Variants in MYO1B observed in about 807,000 individuals in gnomAD.
The protein encoded by MYO1B is myosin IB.
A neutral mutation model predicts 159.7 loss-of-function variants in MYO1B; 72 were observed. That is an observed-to-expected ratio of 0.45 (90% CI 0.37 to 0.55). The LOEUF is 0.55. Ranked by LOEUF, MYO1B falls within the 20% of genes least tolerant of loss-of-function variation. MYO1B has a pLI of 0.00. For missense variants in MYO1B, 1,062 were observed against 1,364.8 expected, an observed-to-expected ratio of 0.78 and a Z score of 3.50; for synonymous variants, 468 against 473.8, an observed-to-expected ratio of 0.99 and a Z score of 0.16.
At chr2:191,307,935 C>T (rs1278096629) in intron 3 of MYO1B, among the ~76,000 whole-genome samples, 1 of 152,164 alleles carries the variant, frequency 6.6e-6, no homozygotes, top group East Asian at 1.9e-4. Flanking sequence ...ACCTTCCCAG[C>T]ATGTCAGTCT....
chr2:191,313,192 C>CTTTTTTTTTTTTTTTTTTT lies in MYO1B; in HGVS notation c.252-16726_252-16708dup, dbSNP rs762175060. On this transcript the variant is annotated intron_variant, in intron 3 of 30. Transcript: ENST00000392318. Reference sequence around the variant, plus strand: ...TAGTTATAATATCTGGCACACATGGCTTTTTTTTTTTTTTTTTTTTTTTTT... The same window carrying CTTTTTTTTTTTTTTTTTTT: ...TAGTTATAATATCTGGCACACATGGCTTTTTTTTTTTTTTTTTTTTTTTTTTTTTTTTTTTTTTTTTTTT... Among the ~76,000 whole-genome samples the CTTTTTTTTTTTTTTTTTTT allele has an allele frequency of 4.7e-5, 2 of 43,010 alleles. 1 individual carries two copies. Among genetic ancestry groups the CTTTTTTTTTTTTTTTTTTT allele is most frequent in the Non-Finnish European group, 7.5e-5 (2 of 26,756 alleles). The allele number at this position is 43,010 out of a possible 152,430, so 28.2% of individuals were successfully genotyped here.
chr2:191,250,174 A>G (rs1686026741), intron 1 of MYO1B, among the ~76,000 whole-genome samples: 1 of 152,212 alleles, frequency 6.6e-6, no homozygotes, highest in Admixed American at 6.5e-5. Flanking sequence ...GAAAATGGCT[A>G]TGACAGCTGT....
intron 3 of MYO1B, among the ~76,000 whole-genome samples, chr2:191,323,863 A>C (rs1393610428): frequency 6.6e-6 from 1 of 152,134 alleles, no homozygotes; most frequent in Admixed American, 6.6e-5. Context: ...TATGTTTAGG[A>C]TATAAGAATG....
At chr2:191,301,702 A>G (rs1217548541) in intron 3 of MYO1B, among the ~76,000 whole-genome samples, 2 of 152,190 alleles carry the variant, frequency 1.3e-5, no homozygotes, top group East Asian at 3.9e-4. Flanking sequence ...TCTACTCCCA[A>G]ACATCTTGGT....
At chr2:191,301,994 C>T (rs1689364462) in intron 3 of MYO1B, among the ~76,000 whole-genome samples, 2 of 152,218 alleles carry the variant, frequency 1.3e-5, no homozygotes, top group African/African-American at 4.8e-5. Context: ...AGCTGTCCTC[C>T]CTGCTCTCCT....
At chr2:191,375,470 A>AAGACAGAT (rs1553556394) in intron 13 of MYO1B, among the ~76,000 whole-genome samples, 1 of 146,256 alleles carries the variant, frequency 6.8e-6, no homozygotes, top group Non-Finnish European at 1.5e-5. Context: ...TGATTTGTAA[A>AAGACAGAT]AGATAGATAG....
At chr2:191,361,072 A>G (rs1250693584) in intron 8 of MYO1B, among the ~76,000 whole-genome samples, 1 of 152,132 alleles carries the variant, frequency 6.6e-6, no homozygotes, top group African/African-American at 2.4e-5. Flanking sequence ...TTTGTGTAAT[A>G]TTCTTGTACC....
intron 1 of MYO1B, among the ~76,000 whole-genome samples, chr2:191,256,946 A>AT (rs34462525): frequency 2.7e-5 from 4 of 150,934 alleles, no homozygotes; most frequent in African/African-American, 9.8e-5. Flanking sequence ...TTTTCTGTGA[A>AT]TTTTTTTTTT....
intron 6 of MYO1B, 23 bp downstream of exon 6, chr2:191,346,305 G>A (rs1389595466): frequency 6.6e-7 from 1 of 1,512,012 alleles, no homozygotes; most frequent in East Asian, 2.4e-5. Flanking sequence ...ATAAGCATAA[G>A]TGTTAACACT....
Position 191,396,502 on chromosome 2 carries a change from G to A in MYO1B, c.2295+5G>A. ...TCTTATATCCGGGGTTGGAAGGTGA[G>A]TTTAAAAGAAGTATGCTTTATTTAT... On this transcript the variant is annotated splice_donor_5th_base_variant and intron_variant, in intron 21 of 30. Transcript: ENST00000392318. The A allele has an allele frequency of 1.2e-6, 2 of 1,613,920 alleles. No homozygotes were observed. The highest frequency in any genetic ancestry group is 1.7e-6 in the Non-Finnish European group (2 of 1,179,840).
chr2:191,364,199 G>A lies in MYO1B; in HGVS notation c.955G>A (p.Val319Ile). The stretch of plus-strand genomic sequence containing the variant: ...TGAATTGACCGGCATTGATCAATCA[G>A]TTCTAGAACGAGCATTCAGTTTCCG... ...ICELTGIDQS[V>I]LERAFSFRTV... is the part of the protein sequence containing the mutation. The change falls in exon 11 of 31, where the codon GTT (valine) becomes ATT (isoleucine). Residue 319 changes from valine to isoleucine, a missense_variant. Coordinates refer to ENST00000392318, the MANE Select transcript of MYO1B (RefSeq NM_001130158.3). The A allele has an allele frequency of 6.2e-7, 1 of 1,613,958 alleles. No homozygotes were observed. Among genetic ancestry groups the A allele is most frequent in the South Asian group, 1.1e-5 (1 of 91,076 alleles).
intron 2 of MYO1B, among the ~76,000 whole-genome samples, chr2:191,293,932 T>C (rs944998470): frequency 3.3e-5 from 5 of 152,180 alleles, no homozygotes; most frequent in Non-Finnish European, 5.9e-5. Context: ...CTGAGTATAG[T>C]ATATTTGATC....
rs754533338 is a variant in MYO1B, at chr2:191,330,049, A to G, written c.346+20A>G. 2.5e-5 allele frequency: 40 copies of G among 1,600,920 alleles called. No homozygotes were observed. Among genetic ancestry groups the G allele is most frequent in the Non-Finnish European group, 3.3e-5 (39 of 1,169,914 alleles). ...AAACAGGTAAGGCTCCTACCAAGCAACTCTGCAGAAGGTAAATGCTGCACA... is the reference window on the plus strand; with the variant it reads ...AAACAGGTAAGGCTCCTACCAAGCAGCTCTGCAGAAGGTAAATGCTGCACA... On this transcript the variant is annotated intron_variant, in intron 4 of 30. Coordinates refer to ENST00000392318, the MANE Select transcript of MYO1B (RefSeq NM_001130158.3).
chr2:191,265,880 A>G (rs1314265439), intron 1 of MYO1B, among the ~76,000 whole-genome samples: 2 of 152,042 alleles, frequency 1.3e-5, no homozygotes, highest in Non-Finnish European at 2.9e-5. Flanking sequence ...TGAGCTGTAT[A>G]GCATGACGAC....
At chr2:191,262,382 C>T (rs1686870558) in intron 1 of MYO1B, among the ~76,000 whole-genome samples, 1 of 152,110 alleles carries the variant, frequency 6.6e-6, no homozygotes. Flanking sequence ...AGTCGCTTTG[C>T]CAACAAATTC....
At chr2:191,288,987 AT>A (rs1183137405) in intron 2 of MYO1B, among the ~76,000 whole-genome samples, 1 of 152,270 alleles carries the variant, frequency 6.6e-6, no homozygotes, top group African/African-American at 2.4e-5. Context: ...GTATTAAGAT[AT>A]TTAAATAAAT....
chr2:191,247,011 C>A (rs1022913765), intron 1 of MYO1B, among the ~76,000 whole-genome samples: 3 of 152,112 alleles, frequency 2.0e-5, no homozygotes, highest in African/African-American at 7.2e-5. Context: ...TCGAGACTCG[C>A]CAAAGGATTG....
intron 1 of MYO1B, among the ~76,000 whole-genome samples, chr2:191,248,218 C>G (rs529261394): frequency 1.1e-4 from 17 of 152,298 alleles, no homozygotes; most frequent in Admixed American, 9.2e-4. Flanking sequence ...ACATACATTA[C>G]TATATTCATC....
intron 1 of MYO1B, among the ~76,000 whole-genome samples, chr2:191,271,447 A>G (rs35765019): frequency 0.22 from 34,198 of 152,092 alleles, 4,747 homozygotes; most frequent in South Asian, 0.44. Context: ...TTCAAGGCAG[A>G]AGGATCATTT....
Sources: allele counts gnomAD v4.1 joint callset (sites outside exome capture counted in the v4.1 genomes callset), GRCh38; gene constraint gnomAD v4.1.1; transcripts MANE v1.5; gene names NCBI Gene and HGNC (gene_info 2026-07-23, HGNC 2026-07-21).